Variants in PRKG1 observed in about 807,000 individuals in gnomAD.
The protein encoded by PRKG1 is protein kinase cGMP-dependent 1, also known as cGMP-dependent protein kinase 1.
In PRKG1, 35 loss-of-function variants were observed where a neutral mutation model predicts 88.1. The observed-to-expected ratio is 0.40, with a 90% confidence interval of 0.30 to 0.53. The LOEUF (loss-of-function observed/expected upper bound fraction) is 0.53, where lower values mean the gene tolerates loss of function less well. PRKG1 is among the 20% of genes least tolerant of loss of function. The probability of loss-of-function intolerance (pLI) is 0.59; values close to 1 mark genes in which losing one functional copy is unlikely to be tolerated. For missense variants in PRKG1, 540 were observed against 839.8 expected (o/e 0.64, Z 4.41); for synonymous variants, 303 against 292.5 (o/e 1.04, Z -0.37).
At chr10:51,736,103 G>A (rs961490352) in intron 3 of PRKG1, among the ~76,000 whole-genome samples, 4 of 151,352 alleles carry the variant, frequency 2.6e-5, no homozygotes, top group Non-Finnish European at 4.4e-5. Flanking sequence ...TGTTGGCCAG[G>A]CAGGTCTCCA....
intron 5 of PRKG1, among the ~76,000 whole-genome samples, chr10:51,949,970 T>C (rs1214780983): frequency 6.6e-6 from 1 of 152,186 alleles, no homozygotes; most frequent in Non-Finnish European, 1.5e-5. Context: ...AGCATTTCAG[T>C]TTAAAATGAG....
chr10:51,505,707 C>T (rs1446157830), intron 3 of PRKG1, among the ~76,000 whole-genome samples: 118 of 151,990 alleles, frequency 7.8e-4, no homozygotes, highest in African/African-American at 1.6e-3. Context: ...TGGGAGGGTG[C>T]ATGTGTCGAG....
chr10:51,407,584 G>A (rs899273155), intron 2 of PRKG1, among the ~76,000 whole-genome samples: 8 of 152,248 alleles, frequency 5.3e-5, no homozygotes, highest in African/African-American at 1.4e-4. Flanking sequence ...TGGTATTGAG[G>A]GTTACCTTCT....
chr10:51,978,301 T>G (rs1189439147), intron 5 of PRKG1, among the ~76,000 whole-genome samples: 3 of 152,082 alleles, frequency 2.0e-5, no homozygotes, highest in African/African-American at 7.2e-5. Flanking sequence ...GTCTCTCTAC[T>G]CCATTTCACT....
chr10:51,435,104 T>C (rs553120984), intron 2 of PRKG1, among the ~76,000 whole-genome samples: 8 of 152,194 alleles, frequency 5.3e-5, no homozygotes, highest in African/African-American at 1.9e-4. Flanking sequence ...GAATTGTAGA[T>C]ACTTTCATGA....
At chr10:51,038,667 C>T (rs1223083075) in intron 1 of PRKG1, among the ~76,000 whole-genome samples, 1 of 152,170 alleles carries the variant, frequency 6.6e-6, no homozygotes, top group Non-Finnish European at 1.5e-5. Flanking sequence ...GGATCTTGCT[C>T]TTTTTTATGG....
intron 3 of PRKG1, among the ~76,000 whole-genome samples, chr10:51,785,928 G>A (rs555394878): frequency 8.5e-5 from 13 of 152,204 alleles, no homozygotes; most frequent in East Asian, 1.9e-4. Context: ...ACATAATAAC[G>A]CATCTGTAGC....
At chr10:52,049,696 T>C (rs1341610952) in intron 5 of PRKG1, among the ~76,000 whole-genome samples, 6 of 151,878 alleles carry the variant, frequency 4.0e-5, no homozygotes, top group Non-Finnish European at 8.8e-5. Flanking sequence ...ATGGGGATAG[T>C]GGAAGAATAT....
intron 5 of PRKG1, among the ~76,000 whole-genome samples, chr10:52,002,926 T>C (rs1277940939): frequency 6.6e-6 from 1 of 152,222 alleles, no homozygotes; most frequent in East Asian, 1.9e-4. Flanking sequence ...TAATAGAATT[T>C]GAGTTAGCGA....
At chr10:52,016,671 A>G (rs1845047878) in intron 5 of PRKG1, among the ~76,000 whole-genome samples, 1 of 152,224 alleles carries the variant, frequency 6.6e-6, no homozygotes, top group Admixed American at 6.5e-5. Flanking sequence ...ATATTTTCTA[A>G]ATCCTTTATT....
chr10:51,151,331 A>G (rs1234834889), intron 1 of PRKG1, among the ~76,000 whole-genome samples: 4 of 151,964 alleles, frequency 2.6e-5, no homozygotes, highest in Non-Finnish European at 5.9e-5. Flanking sequence ...GGAGGGGTGA[A>G]GATAATACTG....
intron 1 of PRKG1, among the ~76,000 whole-genome samples, chr10:50,996,975 G>T (rs577499980): frequency 9.1e-4 from 138 of 152,322 alleles, no homozygotes; most frequent in Admixed American, 1.9e-3. Flanking sequence ...AGCACGGCTT[G>T]TAAACATCCT....
chr10:51,604,862 G>A (rs1209653174), intron 3 of PRKG1, among the ~76,000 whole-genome samples: 1 of 152,224 alleles, frequency 6.6e-6, no homozygotes, highest in Non-Finnish European at 1.5e-5. Context: ...ATCTGCAGAT[G>A]CCTGTGTTAG....
chr10:51,652,651 C>G (rs901638769), intron 3 of PRKG1, among the ~76,000 whole-genome samples: 4 of 151,860 alleles, frequency 2.6e-5, no homozygotes, highest in Non-Finnish European at 5.9e-5. Context: ...TTATAGGATA[C>G]AAAGTAATGT....
chr10:51,434,994 G>T (rs1338523405), intron 2 of PRKG1, among the ~76,000 whole-genome samples: 1 of 152,040 alleles, frequency 6.6e-6, no homozygotes, highest in East Asian at 1.9e-4. Context: ...TCTACTTTGT[G>T]TGTGCCGAAG....
Position 51,996,169 on chromosome 10 carries a change from C to T in PRKG1, c.763-58315C>T, listed in dbSNP as rs113592798. Among the ~76,000 whole-genome samples the T allele has an allele frequency of 5.2e-3, 794 of 151,632 alleles. 9 individuals are homozygous for T. The highest frequency in any genetic ancestry group is 0.018 in the African/African-American group (759 of 41,360). On this transcript the variant is annotated intron_variant, in intron 5 of 17. Transcript: ENST00000373980. ...CTACTAAAAAATACAAAAAATTAGC[C>T]GGGCACGTGGTGGCGCATGCCTGTA...
intron 3 of PRKG1, among the ~76,000 whole-genome samples, chr10:51,714,066 G>A (rs1348611720): frequency 6.6e-6 from 1 of 151,858 alleles, no homozygotes; most frequent in Non-Finnish European, 1.5e-5. Flanking sequence ...CGCAAGCTCC[G>A]CCTCCCAGGT....
intron 2 of PRKG1, among the ~76,000 whole-genome samples, chr10:51,394,269 C>T (rs772336339): frequency 6.6e-6 from 1 of 152,204 alleles, no homozygotes; most frequent in Non-Finnish European, 1.5e-5. Flanking sequence ...TGTGGCTGAT[C>T]ATGAACTCTG....
intron 3 of PRKG1, among the ~76,000 whole-genome samples, chr10:51,771,892 C>T (rs973120725): frequency 6.6e-6 from 1 of 152,040 alleles, no homozygotes; most frequent in Non-Finnish European, 1.5e-5. Context: ...GTAATCATTA[C>T]CCCCACAGTT....
Sources: gnomAD v4.1 joint callset for allele counts (sites outside exome capture counted in the v4.1 genomes callset) on GRCh38, gnomAD v4.1.1 for gene constraint, MANE v1.5 for transcripts, NCBI Gene and HGNC (gene_info 2026-07-23, HGNC 2026-07-21) for gene names.